ARPC5L: variants seen among roughly 807,000 people sequenced by gnomAD.
ARPC5L encodes actin related protein 2/3 complex subunit 5 like, also known as actin-related protein 2/3 complex subunit 5-like protein.
Under a neutral mutation model 16.9 loss-of-function variants are expected in ARPC5L, and 4 were observed. That is an observed-to-expected ratio of 0.24 (90% CI 0.12 to 0.54). ARPC5L has a LOEUF of 0.54. Among genes scored for constraint, ARPC5L ranks in the 20% least tolerant of loss-of-function variants. The probability of loss-of-function intolerance (pLI) is 0.95; values close to 1 mark genes in which losing one functional copy is unlikely to be tolerated. For missense variants in ARPC5L, 151 were observed against 201.9 expected, an observed-to-expected ratio of 0.75 and a Z score of 1.53; for synonymous variants, 78 against 82.6, an observed-to-expected ratio of 0.94 and a Z score of 0.30.
intron 5 of ARPC5L, among the ~76,000 whole-genome samples, chr9:124,876,371 C>G (rs1258059808): frequency 1.3e-5 from 2 of 152,124 alleles, no homozygotes; most frequent in Non-Finnish European, 2.9e-5. Context: ...CCTGTAATCC[C>G]AGCTGCTCGG....
At chr9:124,874,362 C>T (rs1372677552) in intron 4 of ARPC5L, among the ~76,000 whole-genome samples, 3 of 152,046 alleles carry the variant, frequency 2.0e-5, no homozygotes, top group Non-Finnish European at 4.4e-5. Context: ...TTTAATAGTC[C>T]ACCACCATTG....
chr9:124,874,834 C>G (rs1158640513), intron 4 of ARPC5L, 141 bp from the exon 5 acceptor site: 1 of 982,432 alleles, frequency 1.0e-6, no homozygotes, highest in Admixed American at 2.2e-5. Context: ...AAAAGACGTT[C>G]TAACCCACTT....
rs958751778 is a variant in ARPC5L, at chr9:124,869,109, T to A, written c.-182T>A. 44 of 676,646 alleles carry A rather than the reference T, an allele frequency of 6.5e-5. 1 individual carries two copies. The highest frequency in any genetic ancestry group is 1.3e-4 in the Admixed American group (3 of 22,330). 41.9% of individuals were successfully genotyped at this position (676,646 alleles called of 1,614,324 possible). On this transcript the variant is annotated 5_prime_UTR_variant, in exon 3 of 6. Coordinates refer to ENST00000353214, the MANE Select transcript of ARPC5L (RefSeq NM_030978.3). Reference sequence around the variant, plus strand: ...GGCTCCGCCCCGCCCCTGACGGCGCTTCCGGATCCGGCGGGTGCCGGAAGT... The same window carrying A: ...GGCTCCGCCCCGCCCCTGACGGCGCATCCGGATCCGGCGGGTGCCGGAAGT...
chr9:124,864,997 AATTTTTAT>A (rs1403439786), intron 2 of ARPC5L, among the ~76,000 whole-genome samples: 2 of 151,482 alleles, frequency 1.3e-5, no homozygotes, highest in Non-Finnish European at 2.9e-5. Context: ...ATGCCTGGCT[AATTTTTAT>A]ATTTTTAGTA....
At chr9:124,872,053 A>G (rs1829367819) in intron 3 of ARPC5L, among the ~76,000 whole-genome samples, 1 of 152,154 alleles carries the variant, frequency 6.6e-6, no homozygotes, top group African/African-American at 2.4e-5. Flanking sequence ...TGCGCCCCAC[A>G]TCTCCCAACT....
At chr9:124,875,660 A>G (rs1346463008) in intron 5 of ARPC5L, among the ~76,000 whole-genome samples, 1 of 152,214 alleles carries the variant, frequency 6.6e-6, no homozygotes, top group East Asian at 1.9e-4. Flanking sequence ...GGTGAAGCAG[A>G]AAGAGCTGTG....
At chr9:124,871,531 C>T (rs1027671585) in intron 3 of ARPC5L, among the ~76,000 whole-genome samples, 3 of 152,086 alleles carry the variant, frequency 2.0e-5, no homozygotes, top group East Asian at 1.9e-4. Context: ...TGTGACCTTG[C>T]GCAGGTAATT....
intron 3 of ARPC5L, among the ~76,000 whole-genome samples, chr9:124,870,768 G>A (rs1829345366): frequency 6.6e-6 from 1 of 152,170 alleles, no homozygotes; most frequent in South Asian, 2.1e-4. Context: ...CTTTGGCCCA[G>A]GACTCTCATT....
intron 5 of ARPC5L, 129 bp downstream of exon 5, chr9:124,875,280 A>C: frequency 9.6e-7 from 1 of 1,037,438 alleles, no homozygotes; most frequent in Non-Finnish European, 1.4e-6. Flanking sequence ...ACGAGCCCCA[A>C]CCTGGGACAT....
chr9:124,864,379 A>G (rs1310266414), intron 2 of ARPC5L, among the ~76,000 whole-genome samples: 2 of 151,740 alleles, frequency 1.3e-5, no homozygotes, highest in African/African-American at 2.4e-5. Context: ...TTTTTTTCCA[A>G]AATGGAGTCT....
intron 5 of ARPC5L, 134 bp downstream of exon 5, chr9:124,875,285 G>A: frequency 1.0e-6 from 1 of 1,000,868 alleles, no homozygotes; most frequent in Non-Finnish European, 1.4e-6. Context: ...CCCCAACCTG[G>A]GACATGTCAT....
chr9:124,877,127 G>A lies in ARPC5L; in HGVS notation c.*187G>A, dbSNP rs976131423. On this transcript the variant is annotated 3_prime_UTR_variant, in exon 6 of 6. Coordinates refer to ENST00000353214, the MANE Select transcript of ARPC5L (RefSeq NM_030978.3). The stretch of plus-strand genomic sequence containing the variant: ...CGTCTGTTTCCTAAATCCTGTTTAG[G>A]ATCTGATAGTCTATGCCTTTGTCTC... 6.7e-6 allele frequency: 4 copies of A among 597,280 alleles called. No homozygotes were observed. The African/African-American group carries it at 7.5e-5, about 11-fold the overall frequency. 37.0% of individuals were successfully genotyped at this position (597,280 alleles called of 1,614,324 possible).
In ARPC5L at chr9:124,869,243, A is replaced by C; in HGVS notation, c.-48A>C. 6.8e-7 allele frequency: 1 copy of C among 1,478,918 alleles called. No homozygotes were observed. The highest frequency in any genetic ancestry group is 9.0e-7 in the Non-Finnish European group (1 of 1,116,588). 91.6% of individuals were successfully genotyped at this position (1,478,918 alleles called of 1,614,324 possible). A position where few individuals can be genotyped will look rare whatever the true frequency, so the allele number is the denominator to read the frequency against. On this transcript the variant is annotated 5_prime_UTR_variant, in exon 3 of 6. Coordinates refer to ENST00000353214, the MANE Select transcript of ARPC5L (RefSeq NM_030978.3). ...AGCCGGTGCGAGCGGAGCAGAGCCG[A>C]GGTCGGGCCGCGAGCGGAGCCGGCT...
chr9:124,866,836 C>G (rs998024939), intron 2 of ARPC5L, among the ~76,000 whole-genome samples: 1 of 152,226 alleles, frequency 6.6e-6, no homozygotes, highest in South Asian at 2.1e-4. Flanking sequence ...AATCACCTCT[C>G]TACTTTGGTT....
At chr9:124,872,904 T>C (rs1468795770) in intron 3 of ARPC5L, 3 of 152,274 alleles carry the variant, frequency 2.0e-5, no homozygotes, top group Admixed American at 6.5e-5. Flanking sequence ...AGAGACCCGA[T>C]TGGGCAGAAG....
At position 124,877,181 on chromosome 9, in the gene ARPC5L, G is replaced by A; in HGVS notation, c.*241G>A. The A allele has an allele frequency of 2.1e-6, 1 of 473,284 alleles. No homozygotes were observed. Among genetic ancestry groups the A allele is most frequent in the Middle Eastern group, 5.7e-4 (1 of 1,750 alleles). The allele number at this position is 473,284 out of a possible 1,614,324, so 29.3% of individuals were successfully genotyped here. A position where few individuals can be genotyped will look rare whatever the true frequency, so the allele number is the denominator to read the frequency against. ...GTACTGCAGAACTGACATTTTGACG[G>A]TCTACCAGCGTGGCGGCTGGTGTTG... On this transcript the variant is annotated 3_prime_UTR_variant, in exon 6 of 6. Transcript: ENST00000353214.
chr9:124,862,717 G>A (rs1486667448), intron 1 of ARPC5L, among the ~76,000 whole-genome samples: 1 of 151,630 alleles, frequency 6.6e-6, no homozygotes, highest in Admixed American at 6.6e-5. Context: ...GTAGAGACGG[G>A]GTTTCGCCAT....
chr9:124,865,265 G>A (rs990599297), intron 2 of ARPC5L, among the ~76,000 whole-genome samples: 9 of 138,958 alleles, frequency 6.5e-5, no homozygotes, highest in East Asian at 4.4e-4. Context: ...GCAGTGAGCC[G>A]AGATCGGGCC....
chr9:124,871,070 T>G (rs1050711836), intron 3 of ARPC5L, among the ~76,000 whole-genome samples: 2 of 152,142 alleles, frequency 1.3e-5, no homozygotes, highest in Non-Finnish European at 2.9e-5. Flanking sequence ...AGAATGGAAC[T>G]GATATTTATT....
Sources: gnomAD v4.1 joint callset for allele counts (sites outside exome capture counted in the v4.1 genomes callset) on GRCh38, gnomAD v4.1.1 for gene constraint, MANE v1.5 for transcripts, NCBI Gene and HGNC (gene_info 2026-07-23, HGNC 2026-07-21) for gene names.